The following CSMD2 variants were observed in gnomAD, a reference collection of about 807,000 sequenced individuals.
CSMD2 encodes the protein CUB and sushi domain-containing protein 2.
Under a neutral mutation model 398.5 loss-of-function variants are expected in CSMD2, and 130 were observed. The ratio of observed to expected loss-of-function variants is 0.33; its 90% CI spans 0.28 to 0.38. The LOEUF (loss-of-function observed/expected upper bound fraction) is 0.38. Among genes scored for constraint, CSMD2 ranks in the 10% least tolerant of loss-of-function variants. The probability of loss-of-function intolerance (pLI) is 1.00; values close to 1 mark genes in which losing one functional copy is unlikely to be tolerated. For synonymous variants in CSMD2, 1,828 were observed against 1,908.5 expected (o/e 0.96, Z 1.10); for missense variants, 3,829 against 4,764.9 (o/e 0.80, Z 5.78).
chr1:33,601,032 C>T, intron 43 of CSMD2, 22 bp from the exon 44 acceptor site: 5 of 1,613,762 alleles, frequency 3.1e-6, no homozygotes, highest in Middle Eastern at 1.6e-4. Context: ...AAACAAGGTC[C>T]TGGCATGTCA....
At chr1:33,923,381 C>T (rs909279457) in intron 4 of CSMD2, among the ~76,000 whole-genome samples, 2 of 152,144 alleles carry the variant, frequency 1.3e-5, no homozygotes, top group Non-Finnish European at 1.5e-5. Flanking sequence ...ATGTGAAGTG[C>T]CTGCTCCCAC....
chr1:33,759,768 C>T (rs1236894683), intron 13 of CSMD2, among the ~76,000 whole-genome samples: 1 of 152,166 alleles, frequency 6.6e-6, no homozygotes, highest in East Asian at 1.9e-4. Context: ...GGCATGAGGT[C>T]TTTGGCATGT....
At chr1:33,549,117 A>C (rs1266441563) in intron 56 of CSMD2, among the ~76,000 whole-genome samples, 1 of 152,216 alleles carries the variant, frequency 6.6e-6, no homozygotes, top group Non-Finnish European at 1.5e-5. Context: ...TATCTCATTA[A>C]ATATTCTGGC....
At chr1:33,963,166 C>T (rs1645428499) in intron 3 of CSMD2, among the ~76,000 whole-genome samples, 1 of 152,248 alleles carries the variant, frequency 6.6e-6, no homozygotes, top group African/African-American at 2.4e-5. Context: ...ATTCTCCTCT[C>T]AAAGCCCCTT....
At chr1:33,790,822 TATCTATCTATCTATCTATCTATC>T (rs1654198231) in intron 11 of CSMD2, among the ~76,000 whole-genome samples, 1 of 152,150 alleles carries the variant, frequency 6.6e-6, no homozygotes, top group East Asian at 1.9e-4. Flanking sequence ...TCTATCTATC[TATCTATCTATCTATCTATCTATC>T]ATCTATCTAT....
At chr1:33,913,039 T>C (rs1224025393) in intron 5 of CSMD2, among the ~76,000 whole-genome samples, 1 of 152,048 alleles carries the variant, frequency 6.6e-6, no homozygotes, top group South Asian at 2.1e-4. Flanking sequence ...CTTGAACTCC[T>C]AGACTCAAGT....
At chr1:33,773,048 C>A (rs949555844) in intron 12 of CSMD2, among the ~76,000 whole-genome samples, 4 of 152,202 alleles carry the variant, frequency 2.6e-5, no homozygotes, top group African/African-American at 9.6e-5. Context: ...CTCCCTAAAT[C>A]CAATATGAGA....
At chr1:34,019,532 C>T (rs72882628) in intron 3 of CSMD2, among the ~76,000 whole-genome samples, 1 of 152,162 alleles carries the variant, frequency 6.6e-6, no homozygotes, top group Non-Finnish European at 1.5e-5. Flanking sequence ...AGGGAGTGAG[C>T]CCTGGGCTTG....
intron 21 of CSMD2, among the ~76,000 whole-genome samples, chr1:33,710,012 A>G (rs1645931314): frequency 1.3e-5 from 2 of 152,236 alleles, no homozygotes; most frequent in African/African-American, 4.8e-5. Flanking sequence ...CTCCTCCTCC[A>G]GAATTAGTCA....
rs1642609324 is a variant in CSMD2 at position 33,633,650 on chromosome 1, C to T, written c.5087-115G>A. ...GGCAGCCCTGGGGAAGTTGTTGGTT[C>T]CTGGGCTGTGGCTTGCTGCACTGGT... is the stretch of plus-strand genomic sequence containing the variant. On this transcript the variant is annotated intron_variant, in intron 31 of 70. Coordinates refer to ENST00000373381, the MANE Select transcript of CSMD2 (RefSeq NM_001281956.2). This position sits in a 1 kb window ranked among gnomAD's most constrained non-coding sequence, Gnocchi z 5.0. 1 of 745,448 alleles carries T rather than the reference C, an allele frequency of 1.3e-6. No individual in the cohort carries two copies. The highest frequency in any genetic ancestry group is 1.7e-5 in the African/African-American group (1 of 57,908). The allele number at this position is 745,448 out of a possible 1,614,324, so 46.2% of individuals were successfully genotyped here.
chr1:34,106,637 C>T (rs1660553953), intron 1 of CSMD2, among the ~76,000 whole-genome samples: 1 of 152,116 alleles, frequency 6.6e-6, no homozygotes, highest in South Asian at 2.1e-4. Context: ...GGGGTCAGAG[C>T]CTGGGATTTA....
chr1:33,768,255 C>T (rs571805526), intron 13 of CSMD2, among the ~76,000 whole-genome samples: 4 of 152,234 alleles, frequency 2.6e-5, no homozygotes, highest in African/African-American at 4.8e-5. Flanking sequence ...CTAGACTAGT[C>T]GTTCTTAATC....
rs1324314996 is a variant in CSMD2 at position 33,959,519 on chromosome 1, G to A, written c.518-23565C>T. On this transcript the variant is annotated intron_variant, in intron 3 of 70. Coordinates refer to ENST00000373381, the MANE Select transcript of CSMD2 (RefSeq NM_001281956.2). ...TAGGTGACCAATTTAGTCCCAGTTTGCCCGGGACATATCCAGGTTTAGTAC... is the reference window on the plus strand; with the variant it reads ...TAGGTGACCAATTTAGTCCCAGTTTACCCGGGACATATCCAGGTTTAGTAC... Among the ~76,000 whole-genome samples, 4 of 152,198 alleles carry A rather than the reference G, an allele frequency of 2.6e-5. No individual in the cohort carries two copies. In the East Asian group the frequency reaches 7.7e-4, roughly 29 times the overall value.
At chr1:33,841,641 G>GAA (rs10628548) in intron 6 of CSMD2, among the ~76,000 whole-genome samples, 5,191 of 149,596 alleles carry the variant, frequency 0.035, 118 homozygotes, top group Non-Finnish European at 0.052. Flanking sequence ...TACCAGAACT[G>GAA]AAAAAAAAAA....
intron 3 of CSMD2, among the ~76,000 whole-genome samples, chr1:34,003,224 G>A (rs1305435217): frequency 6.6e-6 from 1 of 151,886 alleles, no homozygotes; most frequent in East Asian, 1.9e-4. Flanking sequence ...CAAAAGCAGT[G>A]CTGAAATCTG....
chr1:33,661,021 T>A (rs139428183), intron 26 of CSMD2, among the ~76,000 whole-genome samples: 1 of 152,106 alleles, frequency 6.6e-6, no homozygotes, highest in Non-Finnish European at 1.5e-5. Flanking sequence ...GCATCTGAGA[T>A]GAACCTTGAA....
intron 25 of CSMD2, among the ~76,000 whole-genome samples, chr1:33,689,359 ACT>A (rs1485695384): frequency 6.6e-6 from 1 of 152,126 alleles, no homozygotes; most frequent in African/African-American, 2.4e-5. Flanking sequence ...CAGACTAAGG[ACT>A]GATGTTATCT....
rs115152475 is a variant in CSMD2, at chr1:33,590,571, C to T, written c.6857-3403G>A. On this transcript the variant is annotated intron_variant, in intron 44 of 70. Transcript: ENST00000373381. ...TTGCTGTAGGATCTTGGGTCTTTTA[C>T]AGACACGCCCTCCCTATTTCCCATC... is the stretch of plus-strand genomic sequence containing the variant. Among the ~76,000 whole-genome samples the T allele has an allele frequency of 7.5e-3, 1,124 of 150,070 alleles. 15 individuals are homozygous for T. Among genetic ancestry groups the T allele is most frequent in the African/African-American group, 0.026 (1,077 of 40,772 alleles).
At chr1:33,651,930 G>A (rs1006361945) in intron 28 of CSMD2, among the ~76,000 whole-genome samples, 1 of 151,996 alleles carries the variant, frequency 6.6e-6, no homozygotes, top group African/African-American at 2.4e-5. Flanking sequence ...AGATTGGGGG[G>A]GGTGCCTGGG....
Sources: gnomAD v4.1 joint callset for allele counts (sites outside exome capture counted in the v4.1 genomes callset) on GRCh38, gnomAD v4.1.1 for gene constraint, Gnocchi (gnomAD v3.1) non-coding constraint, MANE v1.5 for transcripts, NCBI Gene and HGNC (gene_info 2026-07-23, HGNC 2026-07-21) for gene names.